IRAK3: variants seen among roughly 807,000 people sequenced by gnomAD.
IRAK3 encodes the protein interleukin 1 receptor associated kinase 3, also known as interleukin-1 receptor-associated kinase 3.
Under a neutral mutation model 56.6 loss-of-function variants are expected in IRAK3, and 57 were observed. That is an observed-to-expected ratio of 1.01 (90% CI 0.81 to 1.26). IRAK3 has a LOEUF of 1.26. Ranked by LOEUF, IRAK3 falls within the 50% of genes most tolerant of loss-of-function variation. The pLI, the probability that IRAK3 is intolerant of heterozygous loss-of-function variation, is 0.00. For synonymous variants in IRAK3, 258 were observed against 255.7 expected, an observed-to-expected ratio of 1.01 and a Z score of -0.09; for missense variants, 703 against 719.0, an observed-to-expected ratio of 0.98 and a Z score of 0.25.
At chr12:66,242,353 A>T (rs1380565088) in intron 8 of IRAK3, among the ~76,000 whole-genome samples, 1 of 152,244 alleles carries the variant, frequency 6.6e-6, no homozygotes, top group Non-Finnish European at 1.5e-5. Flanking sequence ...TCCATTGAAG[A>T]GTCAACCTAG....
At chr12:66,214,124 T>C (rs2052641278) in intron 5 of IRAK3, among the ~76,000 whole-genome samples, 1 of 152,106 alleles carries the variant, frequency 6.6e-6, no homozygotes, top group South Asian at 2.1e-4. Context: ...TGGGTGATTT[T>C]TAAGTAGGAG....
rs768897019 is a variant in IRAK3 at position 66,245,014 on chromosome 12, A to G, written c.1149+4A>G. 12 of 1,613,820 alleles carry G rather than the reference A, an allele frequency of 7.4e-6. No homozygotes were observed. Among genetic ancestry groups the G allele is most frequent in the Non-Finnish European group, 9.3e-6 (11 of 1,179,712 alleles). On this transcript the variant is annotated splice_donor_region_variant and intron_variant, in intron 10 of 11. Transcript: ENST00000261233. The stretch of plus-strand genomic sequence containing the variant: ...TGATCCAAAACATATCCAGCTGGTA[A>G]GAATTGTTTTCATCCTGGCACCTAT...
intron 1 of IRAK3, among the ~76,000 whole-genome samples, chr12:66,203,220 G>T (rs1364953238): frequency 1.3e-5 from 2 of 152,122 alleles, no homozygotes; most frequent in African/African-American, 2.4e-5. Flanking sequence ...TAATTTTATA[G>T]TAGAGAAGCT....
chr12:66,234,287 A>G lies in IRAK3; in HGVS notation c.887+5917A>G, dbSNP rs1238848516. On this transcript the variant is annotated intron_variant, in intron 8 of 11. Transcript: ENST00000261233. ...CATCTGCTGGGCCAGAGGGCTGATC[A>G]TTGATGCGGGCTGTAGTGACATGGT... 2.5e-6 allele frequency: 4 copies of G among 1,612,816 alleles called. No individual in the cohort carries two copies. In the East Asian group the frequency reaches 8.9e-5, roughly 36 times the overall value.
chr12:66,219,992 A>G (rs942698162), intron 6 of IRAK3, among the ~76,000 whole-genome samples: 3 of 152,114 alleles, frequency 2.0e-5, no homozygotes, highest in African/African-American at 7.2e-5. Context: ...CTCCCATTCC[A>G]TAGGTTTCCA....
chr12:66,195,816 A>G (rs534176645), intron 1 of IRAK3, among the ~76,000 whole-genome samples: 53 of 152,084 alleles, frequency 3.5e-4, no homozygotes, highest in African/African-American at 1.2e-3. Context: ...CCACAAAACC[A>G]GGCTAATTTT....
intron 5 of IRAK3, among the ~76,000 whole-genome samples, chr12:66,215,668 G>A (rs2052663049): frequency 6.6e-6 from 1 of 152,146 alleles, no homozygotes; most frequent in Admixed American, 6.5e-5. Flanking sequence ...TTACCAAGGT[G>A]TGTACAAAGT....
intron 6 of IRAK3, among the ~76,000 whole-genome samples, chr12:66,219,013 A>C (rs576690227): frequency 3.7e-4 from 56 of 151,802 alleles, no homozygotes; most frequent in African/African-American, 1.3e-3. Context: ...TCTTCTTTTT[A>C]TGGCTGAATA....
intron 1 of IRAK3, among the ~76,000 whole-genome samples, chr12:66,195,980 A>AG (rs548113576): frequency 1.4e-5 from 2 of 141,932 alleles, no homozygotes; most frequent in African/African-American, 5.3e-5. Context: ...TAAAATTGAC[A>AG]CCCCCCCCCA....
intron 6 of IRAK3, among the ~76,000 whole-genome samples, chr12:66,225,453 G>A (rs950655516): frequency 4.1e-4 from 62 of 151,010 alleles, no homozygotes; most frequent in South Asian, 3.4e-3. Flanking sequence ...CCCCTCCCCC[G>A]CCACGTACAC....
intron 6 of IRAK3, 71 bp from the exon 7 acceptor site, chr12:66,226,652 C>G (rs557497311): frequency 2.3e-5 from 20 of 865,696 alleles, no homozygotes; most frequent in South Asian, 1.5e-4. Context: ...TTACTACCCC[C>G]ACACCAGTGT....
chr12:66,225,573 A>G (rs2052777473), intron 6 of IRAK3, among the ~76,000 whole-genome samples: 1 of 152,170 alleles, frequency 6.6e-6, no homozygotes, highest in Non-Finnish European at 1.5e-5. Context: ...TAATATCCCC[A>G]AGCCTGCCCA....
At chr12:66,220,524 T>C (rs1050248163) in intron 6 of IRAK3, among the ~76,000 whole-genome samples, 4 of 130,552 alleles carry the variant, frequency 3.1e-5, no homozygotes, top group Admixed American at 7.6e-5. Context: ...CTTTTTTTTT[T>C]TTTTTTTTTT....
chr12:66,254,082 C>T lies in IRAK3; in HGVS notation c.*5911C>T, dbSNP rs1391321852. ...ACAAAAATGGAATTCTTGTTCAATA[C>T]TGGCAGGAGTGAAAATTGGTAGAAC... On this transcript the variant is annotated 3_prime_UTR_variant, in exon 12 of 12. Transcript: ENST00000261233. 1 of 152,126 alleles carries T rather than the reference C, an allele frequency of 6.6e-6. No homozygotes were observed. Among genetic ancestry groups the T allele is most frequent in the Admixed American group, 6.5e-5 (1 of 15,268 alleles). The allele number at this position is 152,126 out of a possible 1,614,324, so 9.4% of individuals were successfully genotyped here. A position where few individuals can be genotyped will look rare whatever the true frequency, so the allele number is the denominator to read the frequency against.
chr12:66,251,285 C>G lies in IRAK3; in HGVS notation c.*3114C>G, dbSNP rs2053096889. ...GATTCAGTCTTCCTGACTAGATTTGCCTTCTAGTGGGTGTATTAATAAGCG... is the reference window on the plus strand; with the variant it reads ...GATTCAGTCTTCCTGACTAGATTTGGCTTCTAGTGGGTGTATTAATAAGCG... On this transcript the variant is annotated 3_prime_UTR_variant, in exon 12 of 12. Coordinates refer to ENST00000261233, the MANE Select transcript of IRAK3 (RefSeq NM_007199.3). 1 of 152,096 alleles carries G rather than the reference C, an allele frequency of 6.6e-6. No individual in the cohort carries two copies. Among genetic ancestry groups the G allele is most frequent in the Non-Finnish European group, 1.5e-5 (1 of 68,010 alleles). 9.4% of individuals were successfully genotyped at this position (152,096 alleles called of 1,614,324 possible). A position where few individuals can be genotyped will look rare whatever the true frequency, so the allele number is the denominator to read the frequency against.
chr12:66,228,289 G>T lies in IRAK3; in HGVS notation c.806G>T (p.Gly269Val), dbSNP rs770335508. 8.1e-6 allele frequency: 13 copies of T among 1,613,994 alleles called. No individual in the cohort carries two copies. The highest frequency in any genetic ancestry group is 1.1e-5 in the Non-Finnish European group (13 of 1,179,998). The change falls in exon 8 of 12, where the codon GGT (glycine) becomes GTT (valine). Residue 269 changes from glycine to valine, a missense_variant. Transcript: ENST00000261233. The part of the protein sequence containing the change: ...TAPLPWHIRI[G>V]ILIGISKAIH... ...CCACTCCCTTGGCACATTCGAATCG[G>T]TATATTAATAGGAATATCCAAAGCC...
intron 8 of IRAK3, among the ~76,000 whole-genome samples, chr12:66,237,913 A>G (rs547638133): frequency 1.3e-5 from 2 of 152,236 alleles, no homozygotes; most frequent in Non-Finnish European, 2.9e-5. Flanking sequence ...TCCTCTTTAC[A>G]TAATTGATTA....
At chr12:66,232,211 C>T (rs982419105) in intron 8 of IRAK3, among the ~76,000 whole-genome samples, 2 of 152,118 alleles carry the variant, frequency 1.3e-5, no homozygotes, top group African/African-American at 4.8e-5. Context: ...CTGAGTGTTC[C>T]AAAGAGTTCA....
At chr12:66,192,903 A>G (rs1398175372) in intron 1 of IRAK3, among the ~76,000 whole-genome samples, 1 of 152,196 alleles carries the variant, frequency 6.6e-6, no homozygotes, top group African/African-American at 2.4e-5. Context: ...ACAGTCTTCT[A>G]AATGGCACAC....
Sources: allele counts gnomAD v4.1 joint callset (sites outside exome capture counted in the v4.1 genomes callset), GRCh38; gene constraint gnomAD v4.1.1; transcripts MANE v1.5; gene names NCBI Gene and HGNC (gene_info 2026-07-23, HGNC 2026-07-21).